PRMT8: variants seen among roughly 807,000 people sequenced by gnomAD.
PRMT8 encodes protein arginine methyltransferase 8, also known as protein arginine N-methyltransferase 8.
In PRMT8, 7 loss-of-function variants were observed where a neutral mutation model predicts 47.1. The observed-to-expected ratio is 0.15, with a 90% CI of 0.08 to 0.28. The LOEUF (loss-of-function observed/expected upper bound fraction) is 0.28. Ranked by LOEUF, PRMT8 falls within the 10% of genes least tolerant of loss-of-function variation. The pLI, the probability that PRMT8 is intolerant of heterozygous loss-of-function variation, is 1.00. For synonymous variants in PRMT8, 188 were observed against 186.5 expected, an observed-to-expected ratio of 1.01 and a Z score of -0.07; for missense variants, 237 against 505.4, an observed-to-expected ratio of 0.47 and a Z score of 5.09.
intron 1 of PRMT8, among the ~76,000 whole-genome samples, chr12:3,420,332 C>G (rs923726441): frequency 6.6e-6 from 1 of 152,150 alleles, no homozygotes; most frequent in African/African-American, 2.4e-5. Flanking sequence ...AGCCATGGGC[C>G]TCAGTTTCCT....
intron 1 of PRMT8, among the ~76,000 whole-genome samples, chr12:3,480,605 A>G (rs1284249558): frequency 6.6e-6 from 1 of 151,694 alleles, no homozygotes; most frequent in African/African-American, 2.4e-5. Context: ...CTTGTGGCAG[A>G]GCTGGGACTA....
chr12:3,574,110 A>C (rs1401858032), intron 6 of PRMT8: 1 of 152,258 alleles, frequency 6.6e-6, no homozygotes, highest in Non-Finnish European at 1.5e-5. Flanking sequence ...ATTGCAAAAC[A>C]GTGCAGGCAT....
At chr12:3,465,163 AAAT>A (rs1591557854) in intron 1 of PRMT8, among the ~76,000 whole-genome samples, 1 of 144,602 alleles carries the variant, frequency 6.9e-6, no homozygotes, top group East Asian at 2.0e-4. Flanking sequence ...TTTTATAAAA[AAAT>A]ATATATTTAT....
At chr12:3,546,756 T>C (rs879292274) in intron 2 of PRMT8, among the ~76,000 whole-genome samples, 27 of 152,142 alleles carry the variant, frequency 1.8e-4, no homozygotes, top group Admixed American at 7.9e-4. Flanking sequence ...AGAAGAACTA[T>C]ACCTAACACA....
intron 4 of PRMT8, among the ~76,000 whole-genome samples, chr12:3,563,955 G>C (rs1866677717): frequency 6.7e-6 from 1 of 150,016 alleles, no homozygotes; most frequent in East Asian, 2.0e-4. Context: ...CTTCAACATT[G>C]CTCATTCATC....
At chr12:3,417,074 T>G (rs1864491254) in intron 1 of PRMT8, among the ~76,000 whole-genome samples, 1 of 152,174 alleles carries the variant, frequency 6.6e-6, no homozygotes, top group African/African-American at 2.4e-5. Context: ...TTTTTCAGGT[T>G]TTTGATGACT....
At chr12:3,421,114 G>A (rs1244966369) in intron 1 of PRMT8, among the ~76,000 whole-genome samples, 2 of 152,304 alleles carry the variant, frequency 1.3e-5, no homozygotes, top group African/African-American at 4.8e-5. Flanking sequence ...CCTCCTCCAT[G>A]TCTTAAATTT....
At chr12:3,541,798 C>T (rs367640331) in intron 2 of PRMT8, among the ~76,000 whole-genome samples, 10 of 152,232 alleles carry the variant, frequency 6.6e-5, no homozygotes, top group African/African-American at 2.4e-4. Context: ...GGTGTTGTTC[C>T]AAGCATTTTA....
Position 3,580,079 on chromosome 12 carries a change from G to C in PRMT8, c.829-2979G>C, listed in dbSNP as rs1867027625. Among the ~76,000 whole-genome samples, 1 of 152,184 alleles carries C rather than the reference G, an allele frequency of 6.6e-6. No homozygotes were observed. Among genetic ancestry groups the C allele is most frequent in the Admixed American group, 6.5e-5 (1 of 15,278 alleles). Reference sequence around the variant, plus strand: ...GTGTTTTTGAAGCCTAGCTACAGCTGATCCCATCCTCACAGATGGCCTGGA... The same window carrying C: ...GTGTTTTTGAAGCCTAGCTACAGCTCATCCCATCCTCACAGATGGCCTGGA... On this transcript the variant is annotated intron_variant, in intron 7 of 9. Coordinates refer to ENST00000382622, the MANE Select transcript of PRMT8 (RefSeq NM_019854.5). This position sits in a 1 kb window ranked among gnomAD's most constrained non-coding sequence, Gnocchi z 4.6.
At chr12:3,414,221 T>C (rs1864461687) in intron 1 of PRMT8, among the ~76,000 whole-genome samples, 1 of 152,218 alleles carries the variant, frequency 6.6e-6, no homozygotes, top group Non-Finnish European at 1.5e-5. Context: ...GCAAGAAAGC[T>C]GGAGAAAAAG....
intron 2 of PRMT8, 143 bp downstream of exon 2, chr12:3,540,934 A>C: frequency 2.0e-6 from 2 of 1,025,604 alleles, no homozygotes; most frequent in Non-Finnish European, 2.8e-6. Context: ...CCCTTTCTCC[A>C]ATCCGGGGGG....
At chr12:3,484,119 G>A (rs1865299966) in intron 1 of PRMT8, among the ~76,000 whole-genome samples, 1 of 152,134 alleles carries the variant, frequency 6.6e-6, no homozygotes, top group African/African-American at 2.4e-5. Context: ...CTGAACTGAT[G>A]GCAGGCTGAC....
At chr12:3,408,673 T>A (rs1335266988) in intron 1 of PRMT8, among the ~76,000 whole-genome samples, 1 of 152,238 alleles carries the variant, frequency 6.6e-6, no homozygotes, top group Non-Finnish European at 1.5e-5. Context: ...TTAATATCTG[T>A]GCATCTGGTG....
chr12:3,431,268 G>C (rs1305160568), intron 1 of PRMT8, among the ~76,000 whole-genome samples: 1 of 151,950 alleles, frequency 6.6e-6, no homozygotes, highest in East Asian at 1.9e-4. Context: ...GACCAGGGTG[G>C]GGGCCTGATC....
In PRMT8 at chr12:3,459,415, C is replaced by G. The variant is rs140669249; in HGVS notation, c.48+77973C>G. On this transcript the variant is annotated intron_variant, in intron 1 of 9. Transcript: ENST00000452611. ...GATCGAGGGGAAGCTCCTGTCAGGGCATCCCAGCCTCACAAACTGAGTGCC... is the reference window on the plus strand; with the variant it reads ...GATCGAGGGGAAGCTCCTGTCAGGGGATCCCAGCCTCACAAACTGAGTGCC... 2.0e-4 allele frequency among the ~76,000 whole-genome samples: 30 copies of G among 152,276 alleles called. No homozygotes were observed. In the East Asian group the frequency reaches 5.6e-3, roughly 28 times the overall value.
intron 1 of PRMT8, among the ~76,000 whole-genome samples, chr12:3,416,392 A>C (rs775495286): frequency 6.6e-6 from 1 of 152,048 alleles, no homozygotes; most frequent in Non-Finnish European, 1.5e-5. Flanking sequence ...CAGGCTTTGC[A>C]TTTTTCTTTG....
In PRMT8 at chr12:3,509,941, G is replaced by A. The variant is rs116018083; in HGVS notation, c.75+18241G>A. 1.4e-3 allele frequency among the ~76,000 whole-genome samples: 206 copies of A among 152,354 alleles called. 2 individuals are homozygous for A. Among genetic ancestry groups the A allele is most frequent in the Middle Eastern group, 0.01 (3 of 294 alleles). On this transcript the variant is annotated intron_variant, in intron 1 of 9. Transcript: ENST00000382622. ...ATAAGTCTCAGAAAGGGCTAGGGGA[G>A]TGAGGGCTTTGCCTGAGACAATCAA...
intron 4 of PRMT8, 65 bp from the exon 5 acceptor site, chr12:3,568,641 T>C: frequency 6.3e-7 from 1 of 1,586,170 alleles, no homozygotes; most frequent in East Asian, 2.2e-5. Flanking sequence ...GGCCCTGAAG[T>C]GAGGTGCTTG....
At chr12:3,504,450 A>AT (rs1865579883) in intron 1 of PRMT8, among the ~76,000 whole-genome samples, 1 of 115,866 alleles carries the variant, frequency 8.6e-6, no homozygotes, top group African/African-American at 2.6e-5. Context: ...GGTCTGCTGG[A>AT]ATACCCTGCC....
Sources: gnomAD v4.1 joint callset for allele counts (sites outside exome capture counted in the v4.1 genomes callset) on GRCh38, gnomAD v4.1.1 for gene constraint, Gnocchi (gnomAD v3.1) non-coding constraint, MANE v1.5 for transcripts, NCBI Gene and HGNC (gene_info 2026-07-23, HGNC 2026-07-21) for gene names.